The following PRLR variants were observed in gnomAD, a reference collection of about 807,000 sequenced individuals.
PRLR encodes the protein prolactin receptor, also known as hPRL receptor.
Under a neutral mutation model 40.2 loss-of-function variants are expected in PRLR, and 13 were observed. That is an observed-to-expected ratio of 0.32 (90% CI 0.21 to 0.51). PRLR has a LOEUF of 0.51. PRLR is among the 20% of genes least tolerant of loss of function. The pLI is 0.97. For synonymous variants in PRLR, 269 were observed against 278.7 expected (o/e 0.97, Z 0.35); for missense variants, 656 against 747.3 (o/e 0.88, Z 1.42).
chr5:35,194,585 G>A (rs115191373), intron 1 of PRLR, among the ~76,000 whole-genome samples: 1 of 152,310 alleles, frequency 6.6e-6, no homozygotes, highest in African/African-American at 2.4e-5. Flanking sequence ...GTATCACTCA[G>A]TGCTAAAACG....
intron 2 of PRLR, among the ~76,000 whole-genome samples, chr5:35,105,655 G>T (rs1241932382): frequency 6.6e-6 from 1 of 152,142 alleles, no homozygotes; most frequent in South Asian, 2.1e-4. Context: ...TGAATGAAAT[G>T]AAGTGAGAAG....
chr5:35,078,909 C>T (rs1054797362), intron 5 of PRLR, among the ~76,000 whole-genome samples: 1 of 152,114 alleles, frequency 6.6e-6, no homozygotes, highest in Non-Finnish European at 1.5e-5. Flanking sequence ...TCAACATATG[C>T]AAATCAATAA....
chr5:35,068,266 G>A lies in PRLR; in HGVS notation c.805C>T (p.Pro269Ser). 1 of 1,613,038 alleles carries A rather than the reference G, an allele frequency of 6.2e-7. No individual in the cohort carries two copies. Among genetic ancestry groups the A allele is most frequent in the Non-Finnish European group, 8.5e-7 (1 of 1,179,034 alleles). Residue 269 changes from proline to serine, a missense_variant, in exon 9 of 10, where the codon CCG becomes TCG. Around this residue, in one of 3 missense-constraint regions of PRLR, gnomAD observed 469 missense variants for 491.5 expected, o/e 0.95. Coordinates refer to ENST00000618457, the MANE Select transcript of PRLR (RefSeq NM_000949.7). ...KGYSMVTCIF[P>S]PVPGPKIKGF... Reference sequence around the variant, plus strand: ...TTTATTTTTGGCCCAGGAACTGGCGGAAAGATGCAGGTCACCATGCTATAA... The same window carrying A: ...TTTATTTTTGGCCCAGGAACTGGCGAAAAGATGCAGGTCACCATGCTATAA...
chr5:35,156,340 C>A (rs775366017), intron 1 of PRLR, among the ~76,000 whole-genome samples: 39 of 152,204 alleles, frequency 2.6e-4, no homozygotes, highest in Non-Finnish European at 3.5e-4. Context: ...GTTAGCCTCC[C>A]AATGGGTCTC....
chr5:35,123,543 C>T (rs1282102034), intron 1 of PRLR, among the ~76,000 whole-genome samples: 1 of 152,076 alleles, frequency 6.6e-6, no homozygotes, highest in Non-Finnish European at 1.5e-5. Flanking sequence ...TATTCTAGGG[C>T]CTTTGCCTGG....
intron 1 of PRLR, among the ~76,000 whole-genome samples, chr5:35,161,717 A>G (rs947150132): frequency 2.0e-5 from 3 of 152,146 alleles, no homozygotes; most frequent in African/African-American, 7.2e-5. Flanking sequence ...GTTTTCTCAG[A>G]GGGTAGTGTT....
chr5:35,205,173 T>C lies in PRLR; in HGVS notation c.-106+25095A>G, dbSNP rs1007917204. On this transcript the variant is annotated intron_variant, in intron 1 of 9. Transcript: ENST00000618457. ...TGTAATATATATATAAAATATAAGATAAAAATCTTAAAACCGGAAAGGACT... is the reference window on the plus strand; with the variant it reads ...TGTAATATATATATAAAATATAAGACAAAAATCTTAAAACCGGAAAGGACT... Among the ~76,000 whole-genome samples the C allele has an allele frequency of 2.6e-5, 4 of 151,862 alleles. 1 individual carries two copies. Among genetic ancestry groups the C allele is most frequent in the Non-Finnish European group, 4.4e-5 (3 of 67,958 alleles).
intron 1 of PRLR, among the ~76,000 whole-genome samples, chr5:35,157,288 G>T (rs1399502886): frequency 6.6e-6 from 1 of 152,094 alleles, no homozygotes; most frequent in Non-Finnish European, 1.5e-5. Flanking sequence ...CAAACTCACT[G>T]GTGGTCCAAA....
chr5:35,072,459 G>T (rs1769808443), intron 6 of PRLR, 116 bp downstream of exon 6: 1 of 1,212,978 alleles, frequency 8.2e-7, no homozygotes, highest in African/African-American at 1.5e-5. Context: ...GGTCACAACT[G>T]CATTGGAGGC....
chr5:35,071,191 C>T (rs1452486132), intron 6 of PRLR, among the ~76,000 whole-genome samples: 1 of 152,132 alleles, frequency 6.6e-6, no homozygotes, highest in African/African-American at 2.4e-5. Flanking sequence ...AGTCTGGTTA[C>T]AGGAAATGGA....
intron 5 of PRLR, among the ~76,000 whole-genome samples, chr5:35,078,880 C>T (rs1399215744): frequency 6.6e-6 from 1 of 152,158 alleles, no homozygotes; most frequent in Admixed American, 6.5e-5. Flanking sequence ...AGGCTTCATC[C>T]CTGGGATGCA....
rs572405415 is a variant in PRLR, at chr5:35,109,432, C to A, written c.-44+8629G>T. Among the ~76,000 whole-genome samples, 5 of 152,254 alleles carry A rather than the reference C, an allele frequency of 3.3e-5. No homozygotes were observed. In the East Asian group the frequency reaches 5.8e-4, roughly 18 times the overall value. On this transcript the variant is annotated intron_variant, in intron 2 of 9. Transcript: ENST00000618457. ...AATCACCATCAGAGCGAACTGGCAA[C>A]CTACAGAATGGGAGAAAATTTTTAC... is the stretch of plus-strand genomic sequence containing the variant.
At chr5:35,137,691 G>A (rs1773901008) in intron 1 of PRLR, among the ~76,000 whole-genome samples, 2 of 152,222 alleles carry the variant, frequency 1.3e-5, no homozygotes, top group African/African-American at 4.8e-5. Context: ...GACAAGAAAA[G>A]AGATATGGAA....
At chr5:35,120,105 T>C (rs116546395) in intron 1 of PRLR, among the ~76,000 whole-genome samples, 6,220 of 152,110 alleles carry the variant, frequency 0.041, 427 homozygotes, top group African/African-American at 0.14. Flanking sequence ...CAGCTTCAAG[T>C]AGGGTTCTAC....
intron 8 of PRLR, 75 bp from the exon 9 acceptor site, chr5:35,068,360 C>T (rs1191614962): frequency 4.7e-6 from 6 of 1,266,624 alleles, no homozygotes; most frequent in Non-Finnish European, 5.8e-6. Flanking sequence ...AGTATAATAG[C>T]CACTATAGGG....
chr5:35,207,341 A>AG lies in PRLR; in HGVS notation c.-106+22926_-106+22927insC, dbSNP rs567379855. Among the ~76,000 whole-genome samples the AG allele has an allele frequency of 5.9e-5, 9 of 152,234 alleles. No homozygotes were observed. In the East Asian group the frequency reaches 1.7e-3, roughly 29 times the overall value. On this transcript the variant is annotated intron_variant, in intron 1 of 9. Transcript: ENST00000618457. ...AGATAAAAAGTAAATATACATCATTAATATTTATCCTGTAGTCCAGTAATA... is the reference window on the plus strand; with the variant it reads ...AGATAAAAAGTAAATATACATCATTAGATATTTATCCTGTAGTCCAGTAATA...
intron 1 of PRLR, among the ~76,000 whole-genome samples, chr5:35,164,467 G>A (rs942319202): frequency 7.2e-5 from 11 of 152,018 alleles, no homozygotes; most frequent in African/African-American, 1.7e-4. Flanking sequence ...AAGGCATTCC[G>A]GGCAATGAAA....
chr5:35,136,174 C>T (rs899299442), intron 1 of PRLR, among the ~76,000 whole-genome samples: 53 of 152,300 alleles, frequency 3.5e-4, no homozygotes, highest in South Asian at 8.3e-4. Context: ...AGAATAAATA[C>T]ATACACAATA....
chr5:35,139,023 C>T (rs1384662298), intron 1 of PRLR, among the ~76,000 whole-genome samples: 1 of 152,124 alleles, frequency 6.6e-6, no homozygotes, highest in Non-Finnish European at 1.5e-5. Flanking sequence ...AAATACATAG[C>T]TTTTTGAAAT....
Sources: gnomAD v4.1 joint callset for allele counts (sites outside exome capture counted in the v4.1 genomes callset) on GRCh38, gnomAD v4.1.1 for gene constraint, gnomAD v4.1.1 regional missense constraint, MANE v1.5 for transcripts, NCBI Gene and HGNC (gene_info 2026-07-23, HGNC 2026-07-21) for gene names.